Variants in PAPSS1 observed in about 807,000 individuals in gnomAD.
PAPSS1 encodes the protein bifunctional 3'-phosphoadenosine 5'-phosphosulfate synthase 1.
PAPSS1 carries 50 observed loss-of-function variants against 72.0 expected under a neutral mutation model. The ratio of observed to expected loss-of-function variants is 0.69; its 90% CI spans 0.55 to 0.88. The LOEUF is 0.88. PAPSS1 is among the 40% of genes least tolerant of loss of function. PAPSS1 has a pLI of 0.00. For synonymous variants in PAPSS1, 261 were observed against 263.6 expected (o/e 0.99, Z 0.09); for missense variants, 657 against 782.2 (o/e 0.84, Z 1.91).
chr4:107,631,521 T>C, intron 11 of PAPSS1, 110 bp downstream of exon 11: 1 of 695,542 alleles, frequency 1.4e-6, no homozygotes, highest in East Asian at 2.7e-5. Flanking sequence ...TTCTCTGACA[T>C]GAGTACCACA....
intron 5 of PAPSS1, among the ~76,000 whole-genome samples, chr4:107,679,165 G>T (rs1727736330): frequency 6.6e-6 from 1 of 152,088 alleles, no homozygotes; most frequent in Non-Finnish European, 1.5e-5. Context: ...GACTGAAGGT[G>T]GGCCAGGAAA....
At chr4:107,701,440 T>A (rs998209718) in intron 1 of PAPSS1, among the ~76,000 whole-genome samples, 155 bp from the exon 2 acceptor site, 3 of 152,130 alleles carry the variant, frequency 2.0e-5, no homozygotes, top group Non-Finnish European at 4.4e-5. Flanking sequence ...TGGCATGGTG[T>A]TTACTGCTTT....
chr4:107,639,518 A>G (rs1726480742), intron 10 of PAPSS1, among the ~76,000 whole-genome samples: 1 of 152,198 alleles, frequency 6.6e-6, no homozygotes, highest in Non-Finnish European at 1.5e-5. Context: ...GTGCTTTAAT[A>G]TGGGGGTACC....
Position 107,652,240 on chromosome 4 carries a change from C to T in PAPSS1, c.1237+1251G>A, listed in dbSNP as rs62311616. Reference sequence around the variant, plus strand: ...AGTGCTTAGGGCCAAACCATCTCTGCAGTGGGTGGGAATTAATTAGGAGCA... The same window carrying T: ...AGTGCTTAGGGCCAAACCATCTCTGTAGTGGGTGGGAATTAATTAGGAGCA... On this transcript the variant is annotated intron_variant, in intron 9 of 11. Transcript: ENST00000265174. Among the ~76,000 whole-genome samples the T allele has an allele frequency of 1.6e-3, 237 of 152,354 alleles. 1 individual carries two copies. The highest frequency in any genetic ancestry group is 0.014 in the South Asian group (70 of 4,830).
intron 1 of PAPSS1, among the ~76,000 whole-genome samples, chr4:107,708,373 G>T (rs1723394486): frequency 6.6e-6 from 1 of 152,198 alleles, no homozygotes; most frequent in Non-Finnish European, 1.5e-5. Flanking sequence ...GGGAGCTAAA[G>T]TCTCTGCTAA....
chr4:107,684,813 T>C (rs114600715), intron 4 of PAPSS1, among the ~76,000 whole-genome samples: 7,562 of 152,222 alleles, frequency 0.05, 543 homozygotes, highest in African/African-American at 0.15. Flanking sequence ...AACCAAGCTG[T>C]GCCTCAACGA....
At chr4:107,672,287 C>T (rs6839205) in intron 5 of PAPSS1, among the ~76,000 whole-genome samples, 7,527 of 152,260 alleles carry the variant, frequency 0.049, 594 homozygotes, top group African/African-American at 0.17. Context: ...ACCCAGGAAG[C>T]GCAAGGGGTC....
At chr4:107,620,341 T>C (rs1725923719) in intron 11 of PAPSS1, among the ~76,000 whole-genome samples, 1 of 152,182 alleles carries the variant, frequency 6.6e-6, no homozygotes, top group Non-Finnish European at 1.5e-5. Context: ...AAAATTCTCT[T>C]CAAAATCAGA....
At chr4:107,710,143 GA>G (rs1164447635) in intron 1 of PAPSS1, among the ~76,000 whole-genome samples, 1 of 152,168 alleles carries the variant, frequency 6.6e-6, no homozygotes, top group Admixed American at 6.5e-5. Flanking sequence ...ATTAAGGGTT[GA>G]GAATGAGTTA....
intron 1 of PAPSS1, among the ~76,000 whole-genome samples, chr4:107,717,330 T>TA (rs5860878): frequency 0.39 from 59,736 of 151,886 alleles, 12,261 homozygotes; most frequent in African/African-American, 0.5. Flanking sequence ...GCAACAGGTT[T>TA]AAAATGGGTC....
intron 2 of PAPSS1, 169 bp from the exon 3 acceptor site, chr4:107,694,175 C>T: frequency 3.5e-6 from 2 of 575,964 alleles, no homozygotes; most frequent in Non-Finnish European, 6.2e-6. Context: ...GAGATCATGC[C>T]TCAGCCTTCC....
chr4:107,629,856 C>T (rs1043944495), intron 11 of PAPSS1, among the ~76,000 whole-genome samples: 8 of 152,124 alleles, frequency 5.3e-5, no homozygotes, highest in Non-Finnish European at 8.8e-5. Flanking sequence ...AGTGGAAAAA[C>T]GCCCAGGAAA....
intron 5 of PAPSS1, among the ~76,000 whole-genome samples, chr4:107,681,168 C>A (rs1722581050): frequency 6.6e-6 from 1 of 151,734 alleles, no homozygotes; most frequent in South Asian, 2.1e-4. Flanking sequence ...CAGGATTTTG[C>A]AGATTAAGAG....
chr4:107,675,439 A>C lies in PAPSS1; in HGVS notation c.669+6576T>G, dbSNP rs182970061. 1.8e-3 allele frequency among the ~76,000 whole-genome samples: 279 copies of C among 152,348 alleles called. 2 individuals are homozygous for C. Among genetic ancestry groups the C allele is most frequent in the African/African-American group, 6.3e-3 (261 of 41,570 alleles). ...CAAATAAACTAGAAAATCTAGAAGAAATGGATAAATTCTTTGACACATACA... is the reference window on the plus strand; with the variant it reads ...CAAATAAACTAGAAAATCTAGAAGACATGGATAAATTCTTTGACACATACA... On this transcript the variant is annotated intron_variant, in intron 5 of 11. Coordinates refer to ENST00000265174, the MANE Select transcript of PAPSS1 (RefSeq NM_005443.5).
chr4:107,668,406 T>C (rs1042108588), intron 5 of PAPSS1, among the ~76,000 whole-genome samples: 1 of 152,198 alleles, frequency 6.6e-6, no homozygotes, highest in Non-Finnish European at 1.5e-5. Context: ...TGGTTAATAC[T>C]GTGTGTCAAC....
At chr4:107,651,651 G>C (rs1726842654) in intron 9 of PAPSS1, among the ~76,000 whole-genome samples, 1 of 152,092 alleles carries the variant, frequency 6.6e-6, no homozygotes, top group Non-Finnish European at 1.5e-5. Flanking sequence ...CACACCTTGT[G>C]AGAACTTACT....
At chr4:107,657,345 G>A (rs1409263729) in intron 6 of PAPSS1, among the ~76,000 whole-genome samples, 1 of 152,166 alleles carries the variant, frequency 6.6e-6, no homozygotes, top group African/African-American at 2.4e-5. Context: ...TGGGGCCCAT[G>A]AATCTGTATT....
At chr4:107,639,824 T>C (rs558618628) in intron 10 of PAPSS1, among the ~76,000 whole-genome samples, 1 of 152,282 alleles carries the variant, frequency 6.6e-6, no homozygotes, top group East Asian at 1.9e-4. Context: ...CAGATACTGG[T>C]GTAAAGCACA....
intron 1 of PAPSS1, among the ~76,000 whole-genome samples, chr4:107,707,184 C>A (rs753409398): frequency 1.3e-5 from 2 of 152,100 alleles, no homozygotes; most frequent in Non-Finnish European, 2.9e-5. Context: ...TGGGGCAGAC[C>A]TGAAGCCCAG....
Sources: allele counts gnomAD v4.1 joint callset (sites outside exome capture counted in the v4.1 genomes callset), GRCh38; gene constraint gnomAD v4.1.1; transcripts MANE v1.5; gene names NCBI Gene and HGNC (gene_info 2026-07-23, HGNC 2026-07-21).